VPS13C: variants seen among roughly 807,000 people sequenced by gnomAD.
VPS13C encodes the protein vacuolar protein sorting 13 homolog C.
In VPS13C, 358 loss-of-function variants were observed where a neutral mutation model predicts 456.8. That is an observed-to-expected ratio of 0.78 (90% confidence interval 0.72 to 0.86). The LOEUF is 0.86. Among genes scored for constraint, VPS13C ranks in the 40% least tolerant of loss-of-function variants. VPS13C has a pLI of 0.00. For synonymous variants in VPS13C, 1,578 were observed against 1,486.7 expected, an observed-to-expected ratio of 1.06 and a Z score of -1.41; for missense variants, 4,818 against 4,385.4, an observed-to-expected ratio of 1.10 and a Z score of -2.79.
chr15:62,018,225 T>C (rs986575405), intron 9 of VPS13C, among the ~76,000 whole-genome samples: 2 of 152,152 alleles, frequency 1.3e-5, no homozygotes, highest in Admixed American at 6.5e-5. Flanking sequence ...AATCATGTCA[T>C]CTGCAAACAC....
At chr15:62,013,799 T>C (rs1469063077) in intron 10 of VPS13C, 134 bp downstream of exon 10, 8 of 586,896 alleles carry the variant, frequency 1.4e-5, no homozygotes, top group East Asian at 2.8e-5. Flanking sequence ...ACATAGTAAG[T>C]AGCAGGGCCA....
At chr15:61,955,801 C>A (rs1238115377) in intron 37 of VPS13C, among the ~76,000 whole-genome samples, 1 of 152,032 alleles carries the variant, frequency 6.6e-6, no homozygotes, top group African/African-American at 2.4e-5. Context: ...GTCAGAATAT[C>A]TATTGAAAAG....
intron 3 of VPS13C, among the ~76,000 whole-genome samples, chr15:62,036,786 G>GT (rs2048013727): frequency 1.3e-5 from 2 of 151,714 alleles, no homozygotes; most frequent in Non-Finnish European, 2.9e-5. Flanking sequence ...CTAGAATTGA[G>GT]TTTTTTATAT....
chr15:62,000,710 T>G (rs2046582350), intron 15 of VPS13C, 84 bp from the exon 16 acceptor site: 1 of 1,080,426 alleles, frequency 9.3e-7, no homozygotes. Flanking sequence ...TAGGCATATC[T>G]AGTCCATTAT....
chr15:61,965,674 T>A (rs1403998294), intron 30 of VPS13C, among the ~76,000 whole-genome samples: 1 of 151,900 alleles, frequency 6.6e-6, no homozygotes, highest in Non-Finnish European at 1.5e-5. Context: ...ATTTTGCCCC[T>A]CTTACTCTAA....
At chr15:61,874,769 A>T in intron 77 of VPS13C, 107 bp downstream of exon 77, 1 of 1,001,252 alleles carries the variant, frequency 1.0e-6, no homozygotes, top group South Asian at 1.9e-5. Context: ...GATTATTAAG[A>T]AAGTGATCCC....
chr15:61,989,826 C>G (rs1016277197), intron 18 of VPS13C, among the ~76,000 whole-genome samples: 2 of 152,148 alleles, frequency 1.3e-5, no homozygotes, highest in African/African-American at 2.4e-5. Context: ...TAATTATCCT[C>G]GCATACTGAT....
At chr15:62,011,547 G>T (rs1192125330) in intron 12 of VPS13C, among the ~76,000 whole-genome samples, 1 of 151,786 alleles carries the variant, frequency 6.6e-6, no homozygotes, top group Non-Finnish European at 1.5e-5. Flanking sequence ...TCATAAAGGG[G>T]TATACTAATA....
At chr15:61,970,724 AC>A (rs1263860423) in intron 27 of VPS13C, among the ~76,000 whole-genome samples, 1 of 152,126 alleles carries the variant, frequency 6.6e-6, no homozygotes, top group Non-Finnish European at 1.5e-5. Flanking sequence ...GTAACAGAAA[AC>A]AAATTAAGAC....
chr15:61,949,118 T>C (rs1424267787), intron 42 of VPS13C, among the ~76,000 whole-genome samples: 1 of 152,186 alleles, frequency 6.6e-6, no homozygotes, highest in African/African-American at 2.4e-5. Flanking sequence ...TATGACTGAA[T>C]CATAACTGAA....
At chr15:61,933,150 C>T (rs997902934) in intron 49 of VPS13C, among the ~76,000 whole-genome samples, 1 of 152,036 alleles carries the variant, frequency 6.6e-6, no homozygotes, top group Non-Finnish European at 1.5e-5. Flanking sequence ...CAGTACTCAG[C>T]ATCTCAATGA....
At position 61,954,302 on chromosome 15, in the gene VPS13C, G is replaced by A. The variant is rs1417731804; in HGVS notation, c.4299+119C>T. 4 of 1,101,808 alleles carry A rather than the reference G, an allele frequency of 3.6e-6. No homozygotes were observed. The East Asian group carries it at 7.8e-5, about 21-fold the overall frequency. 68.3% of individuals were successfully genotyped at this position (1,101,808 alleles called of 1,614,324 possible). On this transcript the variant is annotated intron_variant, in intron 38 of 84. Coordinates refer to ENST00000644861, the MANE Select transcript of VPS13C (RefSeq NM_020821.3). The stretch of plus-strand genomic sequence containing the variant: ...AATTTTTAAAACATCACTGCTACAT[G>A]TGAACAGCCCACATAGATTTTTTTC...
At chr15:61,930,069 G>A (rs1426390825) in intron 50 of VPS13C, among the ~76,000 whole-genome samples, 1 of 152,080 alleles carries the variant, frequency 6.6e-6, no homozygotes, top group Non-Finnish European at 1.5e-5. Context: ...GGCCGGAAAG[G>A]AATTTGGGCA....
intron 9 of VPS13C, among the ~76,000 whole-genome samples, chr15:62,018,791 G>T (rs1338191902): frequency 6.6e-6 from 1 of 152,156 alleles, no homozygotes; most frequent in African/African-American, 2.4e-5. Flanking sequence ...TCAGGATGCT[G>T]CTGGACTCAT....
At chr15:62,033,101 C>T (rs1596506559) in intron 5 of VPS13C, among the ~76,000 whole-genome samples, 2 of 151,534 alleles carry the variant, frequency 1.3e-5, no homozygotes, top group East Asian at 1.9e-4. Flanking sequence ...AGCAAGAACA[C>T]GGGTAAACAT....
chr15:62,010,845 G>T (rs147627076), intron 12 of VPS13C, among the ~76,000 whole-genome samples: 30 of 152,216 alleles, frequency 2.0e-4, no homozygotes, highest in African/African-American at 7.2e-4. Context: ...GGTAAGAAAT[G>T]TATAAAAGAG....
At chr15:61,913,520 GAC>G in intron 61 of VPS13C, 105 bp from the exon 62 acceptor site, 2 of 906,180 alleles carry the variant, frequency 2.2e-6, no homozygotes, top group Non-Finnish European at 3.4e-6. Flanking sequence ...AGTACCGTGG[GAC>G]ACAGAAATAT....
chr15:61,958,527 T>C, intron 37 of VPS13C, 81 bp downstream of exon 37: 1 of 782,210 alleles, frequency 1.3e-6, no homozygotes, highest in South Asian at 1.8e-5. Flanking sequence ...TATATTTGTT[T>C]ACTTTTTATT....
intron 81 of VPS13C, chr15:61,864,619 A>G: frequency 1.0e-6 from 1 of 985,032 alleles, no homozygotes; most frequent in Non-Finnish European, 1.2e-6. Context: ...TTAAATATAC[A>G]TTTTTTAAAG....
Sources: gnomAD v4.1 joint callset for allele counts (sites outside exome capture counted in the v4.1 genomes callset) on GRCh38, gnomAD v4.1.1 for gene constraint, MANE v1.5 for transcripts, NCBI Gene and HGNC (gene_info 2026-07-23, HGNC 2026-07-21) for gene names.